Variants in VAV3 observed in about 807,000 individuals in gnomAD.
VAV3 encodes vav guanine nucleotide exchange factor 3, also known as guanine nucleotide exchange factor VAV3.
Under a neutral mutation model 131.2 loss-of-function variants are expected in VAV3, and 94 were observed. The ratio of observed to expected loss-of-function variants is 0.72; its 90% CI spans 0.61 to 0.85. VAV3 has a LOEUF of 0.85. VAV3 is among the 40% of genes least tolerant of loss of function. VAV3 has a pLI of 0.00. For missense variants in VAV3, 939 were observed against 1,002.7 expected, an observed-to-expected ratio of 0.94 and a Z score of 0.86; for synonymous variants, 349 against 342.0, an observed-to-expected ratio of 1.02 and a Z score of -0.22.
intron 2 of VAV3, among the ~76,000 whole-genome samples, chr1:107,834,331 T>G (rs56202739): frequency 6.6e-6 from 1 of 152,078 alleles, no homozygotes; most frequent in African/African-American, 2.4e-5. Flanking sequence ...TTAGCCCCCT[T>G]CAGGATTAGC....
chr1:107,883,895 A>T (rs962827749), intron 1 of VAV3, among the ~76,000 whole-genome samples: 1 of 152,242 alleles, frequency 6.6e-6, no homozygotes, highest in Admixed American at 6.5e-5. Flanking sequence ...GTCCCTGGAC[A>T]TACAAAAGGA....
chr1:107,913,787 A>T (rs1672481347), intron 1 of VAV3, among the ~76,000 whole-genome samples: 1 of 152,106 alleles, frequency 6.6e-6, no homozygotes, highest in African/African-American at 2.4e-5. Flanking sequence ...TTCACAAATT[A>T]TTATTTTTTT....
At chr1:107,921,474 C>T (rs1672896014) in intron 1 of VAV3, among the ~76,000 whole-genome samples, 1 of 152,196 alleles carries the variant, frequency 6.6e-6, no homozygotes, top group Admixed American at 6.5e-5. Flanking sequence ...TAGAAACCAC[C>T]TGTAAGAATG....
Position 107,736,344 on chromosome 1 carries a change from A to G in VAV3, c.1502+12624T>C, listed in dbSNP as rs565099557. ...ACCACTCCTATTCAACATAGTGTTGAAAGTTCTGGCAAGGGCAATCAGGCA... is the reference window on the plus strand; with the variant it reads ...ACCACTCCTATTCAACATAGTGTTGGAAGTTCTGGCAAGGGCAATCAGGCA... On this transcript the variant is annotated intron_variant, in intron 15 of 26. Transcript: ENST00000370056. 2.7e-3 allele frequency among the ~76,000 whole-genome samples: 404 copies of G among 152,172 alleles called. 3 individuals are homozygous for G. Among genetic ancestry groups the G allele is most frequent in the African/African-American group, 9.0e-3 (374 of 41,504 alleles).
chr1:107,760,676 A>T, intron 10 of VAV3, 108 bp downstream of exon 10: 2 of 746,088 alleles, frequency 2.7e-6, no homozygotes, highest in Non-Finnish European at 4.2e-6. Context: ...TCAAAATTTT[A>T]AGGGGATTGG....
intron 15 of VAV3, among the ~76,000 whole-genome samples, chr1:107,743,302 G>A (rs528014180): frequency 9.2e-5 from 14 of 152,232 alleles, no homozygotes; most frequent in South Asian, 4.1e-4. Context: ...TGCAGAAGAC[G>A]TAAACCAGGG....
chr1:107,749,395 T>C, intron 14 of VAV3, 67 bp downstream of exon 14: 1 of 1,475,068 alleles, frequency 6.8e-7, no homozygotes, highest in Non-Finnish European at 9.1e-7. Context: ...CATTAATGTA[T>C]TATCATACTT....
chr1:107,892,802 C>G (rs1452223144), intron 1 of VAV3, among the ~76,000 whole-genome samples: 3 of 152,210 alleles, frequency 2.0e-5, no homozygotes, highest in Non-Finnish European at 2.9e-5. Flanking sequence ...GCCCTCAAGT[C>G]TGAAGAAGAC....
intron 15 of VAV3, among the ~76,000 whole-genome samples, chr1:107,715,973 T>G (rs1302707250): frequency 6.6e-6 from 1 of 152,216 alleles, no homozygotes; most frequent in East Asian, 1.9e-4. Flanking sequence ...GAGATGGTAT[T>G]GTTACAAGGT....
At chr1:107,947,745 A>AT (rs1161629449) in intron 1 of VAV3, among the ~76,000 whole-genome samples, 12 of 152,138 alleles carry the variant, frequency 7.9e-5, no homozygotes, top group Non-Finnish European at 1.8e-4. Flanking sequence ...GAATATTATA[A>AT]TTTTTTCATC....
chr1:107,581,514 C>A (rs1272812651), intron 25 of VAV3, among the ~76,000 whole-genome samples: 1 of 152,148 alleles, frequency 6.6e-6, no homozygotes, highest in African/African-American at 2.4e-5. Context: ...TAGAAGTTAT[C>A]TGTTAAATAA....
intron 12 of VAV3, among the ~76,000 whole-genome samples, chr1:107,753,881 C>G (rs757539256): frequency 6.6e-6 from 1 of 151,860 alleles, no homozygotes; most frequent in Non-Finnish European, 1.5e-5. Flanking sequence ...TATTTTACCA[C>G]AATTTTTTAA....
At chr1:107,745,396 G>A (rs558405123) in intron 15 of VAV3, among the ~76,000 whole-genome samples, 151 of 151,884 alleles carry the variant, frequency 9.9e-4, no homozygotes, top group African/African-American at 3.3e-3. Flanking sequence ...AAAAAAAAGC[G>A]GGGGGGAATC....
At chr1:107,601,952 T>C (rs1268854604) in intron 24 of VAV3, among the ~76,000 whole-genome samples, 1 of 152,092 alleles carries the variant, frequency 6.6e-6, no homozygotes, top group Non-Finnish European at 1.5e-5. Context: ...TCACTTAAAA[T>C]AGCAAAAAAT....
intron 22 of VAV3, among the ~76,000 whole-genome samples, chr1:107,603,813 T>G (rs1414218677): frequency 3.3e-5 from 5 of 151,950 alleles, no homozygotes; most frequent in Non-Finnish European, 7.4e-5. Context: ...AGTAACTTTT[T>G]TTTTTTTTTT....
At chr1:107,765,502 T>C (rs1664688585) in intron 8 of VAV3, among the ~76,000 whole-genome samples, 1 of 152,248 alleles carries the variant, frequency 6.6e-6, no homozygotes, top group Admixed American at 6.5e-5. Flanking sequence ...TAAAAATTTC[T>C]GTTAAAGCTC....
intron 17 of VAV3, among the ~76,000 whole-genome samples, chr1:107,689,563 TG>T (rs1265172297): frequency 6.6e-6 from 1 of 151,892 alleles, no homozygotes; most frequent in Non-Finnish European, 1.5e-5. Flanking sequence ...TTAATGGAAA[TG>T]GAAGATCCAT....
chr1:107,689,462 C>T (rs1659262475), intron 17 of VAV3, among the ~76,000 whole-genome samples: 1 of 152,078 alleles, frequency 6.6e-6, no homozygotes, highest in Admixed American at 6.5e-5. Flanking sequence ...AAGAAGATTG[C>T]CTGGGGCATG....
At chr1:107,849,790 G>T (rs950260484) in intron 2 of VAV3, among the ~76,000 whole-genome samples, 7 of 152,084 alleles carry the variant, frequency 4.6e-5, no homozygotes. Flanking sequence ...GCAACCTACA[G>T]AATAGGAGAA....
Sources: gnomAD v4.1 joint callset for allele counts (sites outside exome capture counted in the v4.1 genomes callset) on GRCh38, gnomAD v4.1.1 for gene constraint, MANE v1.5 for transcripts, NCBI Gene and HGNC (gene_info 2026-07-23, HGNC 2026-07-21) for gene names.